CLDN16: variants seen among roughly 807,000 people sequenced by gnomAD.
The protein encoded by CLDN16 is claudin-16.
CLDN16 carries 13 observed loss-of-function variants against 24.6 expected under a neutral mutation model. That is an observed-to-expected ratio of 0.53 (90% CI 0.34 to 0.84). CLDN16 has a LOEUF of 0.84. Ranked by LOEUF, CLDN16 falls within the 40% of genes least tolerant of loss-of-function variation. CLDN16 has a pLI of 0.01. For synonymous variants in CLDN16, 116 were observed against 106.7 expected (o/e 1.09, Z -0.54); for missense variants, 298 against 292.7 (o/e 1.02, Z -0.13).
chr3:190,403,839 G>C (rs1719022239), intron 2 of CLDN16, among the ~76,000 whole-genome samples: 1 of 151,892 alleles, frequency 6.6e-6, no homozygotes, highest in South Asian at 2.1e-4. Flanking sequence ...AACACTATTT[G>C]CTGAATAGGA....
intron 1 of CLDN16, among the ~76,000 whole-genome samples, chr3:190,365,726 A>G (rs1718007906): frequency 2.6e-5 from 4 of 151,534 alleles, no homozygotes; most frequent in Admixed American, 2.6e-4. Flanking sequence ...CTTAGGGTCC[A>G]GTATATACAC....
rs1406289432 is a variant in CLDN16, at chr3:190,351,979, G to A, written n.122-18914G>A. ...AGAGCTCTAGCAAGTACAGCAAAAT[G>A]TTTTTCCTGGCTTGAATTATCCCAG... On this transcript the variant is annotated intron_variant and non_coding_transcript_variant, in intron 1 of 4. Coordinates refer to the CLDN16 transcript ENST00000468220. Among the ~76,000 whole-genome samples the A allele has an allele frequency of 5.3e-5, 8 of 151,944 alleles. No individual in the cohort carries two copies. In the East Asian group the frequency reaches 1.5e-3, roughly 29 times the overall value.
intron 1 of CLDN16, among the ~76,000 whole-genome samples, chr3:190,401,279 GT>G (rs147283606): frequency 0.072 from 2,216 of 30,918 alleles, 24 homozygotes; most frequent in Admixed American, 0.091. Context: ...GTGTTCTTAT[GT>G]TTTTTTTTCT....
the CLDN16 span, among the ~76,000 whole-genome samples, chr3:190,297,024 CTG>C: frequency 6.6e-6 from 1 of 152,032 alleles, no homozygotes; most frequent in Non-Finnish European, 1.5e-5. Flanking sequence ...GAGCCACAGA[CTG>C]TCTTACTCAT....
the CLDN16 span, among the ~76,000 whole-genome samples, chr3:190,297,583 A>C: frequency 7.3e-6 from 1 of 137,874 alleles, no homozygotes; most frequent in African/African-American, 2.6e-5. Flanking sequence ...ATAATATATA[A>C]TATATATCTA....
At chr3:190,341,769 T>G (rs1717442601) in intron 1 of CLDN16, among the ~76,000 whole-genome samples, 1 of 152,188 alleles carries the variant, frequency 6.6e-6, no homozygotes, top group South Asian at 2.1e-4. Context: ...ATGCTCTGTT[T>G]CCCTTTTAAA....
upstream of CLDN16, chr3:190,321,879 C>T (rs1356863481): frequency 1.2e-6 from 1 of 859,650 alleles, no homozygotes; most frequent in Non-Finnish European, 1.9e-6. Context: ...ACTTGATCAA[C>T]TGAAGACTGA....
the CLDN16 span, among the ~76,000 whole-genome samples, chr3:190,292,701 T>G: frequency 6.6e-6 from 1 of 152,206 alleles, no homozygotes; most frequent in African/African-American, 2.4e-5. Flanking sequence ...CTCTCAAGTT[T>G]AAAGTTCCAC....
intron 1 of CLDN16, among the ~76,000 whole-genome samples, chr3:190,367,554 T>G (rs1297940298): frequency 3.3e-5 from 5 of 152,000 alleles, no homozygotes; most frequent in African/African-American, 1.2e-4. Context: ...GTGATCATGT[T>G]GCCCAAATGT....
intron 1 of CLDN16, among the ~76,000 whole-genome samples, chr3:190,344,124 A>AATATAAAAAAT (rs1553803566): frequency 0.025 from 3,768 of 152,198 alleles, 155 homozygotes; most frequent in African/African-American, 0.086. Context: ...AAATATAAAA[A>AATATAAAAAAT]ATATAAAAAA....
chr3:190,321,934 A>G, upstream of CLDN16: 4 of 1,427,458 alleles, frequency 2.8e-6, no homozygotes, highest in Non-Finnish European at 4.0e-6. Flanking sequence ...AGGGAGCTGC[A>G]GGGGGACTGG....
chr3:190,301,288 A>G, the CLDN16 span, among the ~76,000 whole-genome samples: 1 of 152,150 alleles, frequency 6.6e-6, no homozygotes, highest in Admixed American at 6.5e-5. Context: ...TGAGGTCAGG[A>G]GTTCGAGACC....
chr3:190,376,656 G>A (rs543323334), intron 3 of CLDN16, among the ~76,000 whole-genome samples: 2 of 152,002 alleles, frequency 1.3e-5, no homozygotes, highest in South Asian at 4.1e-4. Context: ...GAATGTATTC[G>A]TTTAGGTATC....
chr3:190,390,054 A>G (rs111390130), intron 1 of CLDN16, among the ~76,000 whole-genome samples: 3,724 of 152,332 alleles, frequency 0.024, 70 homozygotes, highest in South Asian at 0.058. Flanking sequence ...TCATTTTAGT[A>G]TAACCAACCA....
chr3:190,404,564 C>T (rs560396798), intron 2 of CLDN16, among the ~76,000 whole-genome samples, 198 bp from the exon 3 acceptor site: 9 of 152,190 alleles, frequency 5.9e-5, no homozygotes, highest in African/African-American at 2.2e-4. Flanking sequence ...GTTAAACAAG[C>T]AATAATGTCA....
At chr3:190,375,807 T>C (rs1332777816) in intron 3 of CLDN16, among the ~76,000 whole-genome samples, 1 of 151,822 alleles carries the variant, frequency 6.6e-6, no homozygotes, top group East Asian at 1.9e-4. Context: ...TACTTTCCTC[T>C]GGTCATCTTC....
chr3:190,323,356 G>A (rs1255774794), intron 1 of CLDN16, among the ~76,000 whole-genome samples: 3 of 152,276 alleles, frequency 2.0e-5, no homozygotes, highest in East Asian at 3.9e-4. Context: ...GTGGCAAAAG[G>A]ACTGGGCTGG....
intron 1 of CLDN16, among the ~76,000 whole-genome samples, chr3:190,354,822 C>T (rs1232659782): frequency 6.6e-6 from 1 of 151,992 alleles, no homozygotes; most frequent in Admixed American, 6.6e-5. Context: ...ATACCCTGAA[C>T]TTGGATGTCC....
intron 1 of CLDN16, among the ~76,000 whole-genome samples, chr3:190,359,636 A>T (rs545023079): frequency 6.6e-6 from 1 of 152,188 alleles, no homozygotes; most frequent in East Asian, 1.9e-4. Flanking sequence ...TGTTCCTTAC[A>T]GTCCAATGGT....
Sources: gnomAD v4.1 joint callset for allele counts (sites outside exome capture counted in the v4.1 genomes callset) on GRCh38, gnomAD v4.1.1 for gene constraint, MANE v1.5 for transcripts, NCBI Gene and HGNC (gene_info 2026-07-23, HGNC 2026-07-21) for gene names.